The following SBSN variants were observed in gnomAD, a reference collection of about 807,000 sequenced individuals.
The protein encoded by SBSN is HLAR698.
Under a neutral mutation model 42.8 loss-of-function variants are expected in SBSN, and 33 were observed. That is an observed-to-expected ratio of 0.77 (90% CI 0.58 to 1.03). The LOEUF is 1.03. SBSN is among the 50% of genes least tolerant of loss of function. SBSN has a pLI of 0.00. For missense variants in SBSN, 646 were observed against 757.3 expected, an observed-to-expected ratio of 0.85 and a Z score of 1.72; for synonymous variants, 276 against 307.0, an observed-to-expected ratio of 0.90 and a Z score of 1.06.
chr19:35,527,551 T>C lies in SBSN; in HGVS notation c.731A>G (p.Gln244Arg). Residue 244 changes from glutamine to arginine, a missense_variant, in exon 1 of 4, where the codon CAG becomes CGG. Physicochemically the swap from Gln to Arg is conservative, Grantham distance 43. This residue lies in a region of SBSN where 220 missense variants were observed against 334.5 expected (regional missense o/e 0.66). Coordinates refer to ENST00000452271, the MANE Select transcript of SBSN (RefSeq NM_001166034.2). ...QVGKEAEKFG[Q>R]GAHHAAGQAG... ...CTGCCCCGCAGCATGGTGGGCCCCCTGGCCAAACTTCTCTGCCTCCTTCCC... is the reference window on the plus strand; with the variant it reads ...CTGCCCCGCAGCATGGTGGGCCCCCCGGCCAAACTTCTCTGCCTCCTTCCC... 6.6e-7 allele frequency: 1 copy of C among 1,524,546 alleles called. No homozygotes were observed. Among genetic ancestry groups the C allele is most frequent in the Non-Finnish European group, 8.7e-7 (1 of 1,145,114 alleles). The allele number at this position is 1,524,546 out of a possible 1,614,324, so 94.4% of individuals were successfully genotyped here. A position where few individuals can be genotyped will look rare whatever the true frequency, so the allele number is the denominator to read the frequency against.
chr19:35,527,151 A>AT lies in SBSN; in HGVS notation c.1130dup (p.Asn377LysfsTer2). On this transcript the variant is annotated frameshift_variant, in exon 1 of 4. Transcript: ENST00000452271. LOFTEE classifies it high-confidence loss of function. Reference sequence around the variant, plus strand: ...ACTTCTCTGCTTCCTTCCAGGCCTCATTAACCCCATGGTGGACCCCATGGC... The same window carrying AT: ...ACTTCTCTGCTTCCTTCCAGGCCTCATTTAACCCCATGGTGGACCCCATGGC... The AT allele has an allele frequency of 6.5e-7, 1 of 1,534,850 alleles. No homozygotes were observed. Among genetic ancestry groups the AT allele is most frequent in the Non-Finnish European group, 8.7e-7 (1 of 1,146,226 alleles).
intron 3 of SBSN, 40 bp from the exon 4 acceptor site, chr19:35,523,573 A>T: frequency 6.2e-7 from 1 of 1,609,280 alleles, no homozygotes; most frequent in Non-Finnish European, 8.5e-7. Context: ...TGTAGGGTCC[A>T]CAGTCATGAC....
intron 1 of SBSN, 89 bp downstream of exon 1, chr19:35,526,555 A>ACCCCC: frequency 2.9e-6 from 3 of 1,045,672 alleles, no homozygotes; most frequent in Admixed American, 4.9e-5. Flanking sequence ...GGCTACGCGG[A>ACCCCC]CCCCCCCGCC....
chr19:35,524,963 A>C (rs2285511), intron 1 of SBSN, 39 bp from the exon 2 acceptor site: 895,516 of 1,606,716 alleles, frequency 0.56, 250,365 homozygotes, highest in South Asian at 0.61. Context: ...AACCCCACAA[A>C]CGCGGAGGGT....
Position 35,528,031 on chromosome 19 carries a change from T to G in SBSN, c.251A>C (p.Asp84Ala). Residue 84 changes from aspartate to alanine, a missense_variant, in exon 1 of 4, where the codon GAC becomes GCC. Asp to Ala is a moderately radical substitution (Grantham distance 126, BLOSUM62 -2). Transcript: ENST00000452271. Reference sequence around the variant, plus strand: ...GTGGTTGAGCCCCTGGACGCCTTTGTCCAACTCCTTGCCGGTGTGGCTCCC... The same window carrying G: ...GTGGTTGAGCCCCTGGACGCCTTTGGCCAACTCCTTGCCGGTGTGGCTCCC... ...NMGSHTGKEL[D>A]KGVQGLNHGM... 6.2e-7 allele frequency: 1 copy of G among 1,613,846 alleles called. No individual in the cohort carries two copies. Among genetic ancestry groups the G allele is most frequent in the Admixed American group, 1.7e-5 (1 of 59,992 alleles).
At chr19:35,525,212 C>T (rs777581151) in intron 1 of SBSN, among the ~76,000 whole-genome samples, 13 of 152,180 alleles carry the variant, frequency 8.5e-5, no homozygotes, top group Non-Finnish European at 1.6e-4. Context: ...GGACCCGTGA[C>T]AAACAATATC....
chr19:35,524,538 G>A (rs999559624), intron 3 of SBSN, among the ~76,000 whole-genome samples, 173 bp downstream of exon 3: 7 of 152,132 alleles, frequency 4.6e-5, no homozygotes, highest in Admixed American at 6.5e-5. Context: ...GTGCAAAGGG[G>A]AGGGAGCAGG....
chr19:35,526,396 C>G (rs1217798118), intron 1 of SBSN, among the ~76,000 whole-genome samples: 2 of 152,108 alleles, frequency 1.3e-5, no homozygotes, highest in East Asian at 3.9e-4. Flanking sequence ...GAAGGTGGGA[C>G]AGGGTGCCCG....
Position 35,527,017 on chromosome 19 carries a change from A to C in SBSN, c.1265T>G (p.Phe422Cys). 1 of 1,544,106 alleles carries C rather than the reference A, an allele frequency of 6.5e-7. No homozygotes were observed. Among genetic ancestry groups the C allele is most frequent in the Non-Finnish European group, 8.7e-7 (1 of 1,146,864 alleles). The change falls in exon 1 of 4, where the codon TTT becomes TGT. Residue 422 changes from phenylalanine (F) to cysteine (C), a missense_variant. Phe to Cys is a radical substitution (Grantham distance 205). Around this residue, in one of 3 missense-constraint regions of SBSN, gnomAD observed 236 missense variants for 225.6 expected, o/e 1.05. Coordinates refer to ENST00000452271, the MANE Select transcript of SBSN (RefSeq NM_001166034.2). ...TGCTGTGTGGTGAATGTCGTGGCCA[A>C]ACTGCCCCGCCTCCCTTCCAGCCTG... ...VSQAGREAGQ[F>C]GHDIHHTAGQ...
Position 35,523,842 on chromosome 19 carries a change from T to A in SBSN, c.1750-309A>T, listed in dbSNP as rs562509665. ...GGCCTTCCTCCTCCGTGATACACCC[T>A]CACCCTGGCCTGCACCAGGTCTCGG... is the stretch of plus-strand genomic sequence containing the variant. On this transcript the variant is annotated intron_variant, in intron 3 of 3. Coordinates refer to ENST00000452271, the MANE Select transcript of SBSN (RefSeq NM_001166034.2). Among the ~76,000 whole-genome samples the A allele has an allele frequency of 1.6e-3, 244 of 152,266 alleles. 3 individuals carry two copies. Among genetic ancestry groups the A allele is most frequent in the Non-Finnish European group, 1.8e-4 (12 of 68,000 alleles).
At chr19:35,524,618 C>T in intron 3 of SBSN, 93 bp downstream of exon 3, 5 of 1,406,204 alleles carry the variant, frequency 3.6e-6, no homozygotes, top group Non-Finnish European at 5.0e-6. Flanking sequence ...GTCTGCCCGC[C>T]CGGGGAGCTG....
At position 35,527,019 on chromosome 19, in the gene SBSN, C is replaced by A; in HGVS notation, c.1263G>T (p.Gln421His). ...CTGTGTGGTGAATGTCGTGGCCAAA[C>A]TGCCCCGCCTCCCTTCCAGCCTGAC... is the stretch of plus-strand genomic sequence containing the variant. ...GVSQAGREAG[Q>H]FGHDIHHTAG... Residue 421 changes from glutamine to histidine, a missense_variant, in exon 1 of 4, where the codon CAG becomes CAT. Around this residue, in one of 3 missense-constraint regions of SBSN, gnomAD observed 236 missense variants for 225.6 expected, o/e 1.05. Coordinates refer to ENST00000452271, the MANE Select transcript of SBSN (RefSeq NM_001166034.2). The A allele has an allele frequency of 6.5e-7, 1 of 1,543,772 alleles. No homozygotes were observed. Among genetic ancestry groups the A allele is most frequent in the Non-Finnish European group, 8.7e-7 (1 of 1,146,902 alleles).
At chr19:35,523,590 C>T (rs1045765363) in intron 3 of SBSN, 57 bp from the exon 4 acceptor site, 5 of 1,574,736 alleles carry the variant, frequency 3.2e-6, no homozygotes, top group South Asian at 1.1e-5. Context: ...TGACGGGACC[C>T]GAGACCTCAG....
chr19:35,527,008 T>C lies in SBSN; in HGVS notation c.1274A>G (p.Asp425Gly), dbSNP rs369255065. Residue 425 changes from aspartate to glycine, a missense_variant, in exon 1 of 4, where the codon GAC becomes GGC. This residue lies in a region of SBSN where 236 missense variants were observed against 225.6 expected (regional missense o/e 1.05). Transcript: ENST00000452271. ...AGREAGQFGHDIHHTAGQAGK... is the reference protein window; with the variant it reads ...AGREAGQFGHGIHHTAGQAGK... Reference sequence around the variant, plus strand: ...AGCCTGCCCTGCTGTGTGGTGAATGTCGTGGCCAAACTGCCCCGCCTCCCT... The same window carrying C: ...AGCCTGCCCTGCTGTGTGGTGAATGCCGTGGCCAAACTGCCCCGCCTCCCT... 8.0e-5 allele frequency: 123 copies of C among 1,544,924 alleles called. 1 individual carries two copies. Among genetic ancestry groups the C allele is most frequent in the South Asian group, 4.3e-4 (36 of 84,154 alleles).
rs1415518336 is a variant in SBSN, at chr19:35,527,221, AC to A, written c.1060del (p.Val354SerfsTer86). On this transcript the variant is annotated frameshift_variant, in exon 1 of 4. Transcript: ENST00000452271. LOFTEE classifies it high-confidence loss of function. ...WKETEKFGQG[V>X]HHAASQFGKE... The stretch of plus-strand genomic sequence containing the variant: ...CCCAAACTGACTGGCAGCATGGTGG[AC>A]CCCCTGGCCAAACTTCTCTGTCTCC... The A allele has an allele frequency of 6.5e-6, 10 of 1,534,922 alleles. No homozygotes were observed. Among genetic ancestry groups the A allele is most frequent in the Middle Eastern group, 1.7e-4 (1 of 6,008 alleles).
rs763966574 is a variant in SBSN at position 35,528,177 on chromosome 19, C to T, written c.105G>A (p.Gly35=). 9.9e-6 allele frequency: 16 copies of T among 1,613,982 alleles called. No individual in the cohort carries two copies. The change falls in exon 1 of 4, where the codon GGG becomes GGA. Residue 35 remains glycine (G), a synonymous_variant. Transcript: ENST00000452271. ...SDDPIEKVIE[G]INRGLSNAER... ...CTGCATTGCTCAGCCCTCGGTTGAT[C>T]CCTTCAATGACCTTCTCAATGGGGT... is the stretch of plus-strand genomic sequence containing the variant.
Position 35,528,307 on chromosome 19 carries a change from CAG to C in SBSN, c.-28_-27del. The C allele has an allele frequency of 6.4e-7, 1 of 1,571,052 alleles. No individual in the cohort carries two copies. Among genetic ancestry groups the C allele is most frequent in the Non-Finnish European group, 8.6e-7 (1 of 1,160,886 alleles). On this transcript the variant is annotated 5_prime_UTR_variant, in exon 1 of 4. Coordinates refer to ENST00000452271, the MANE Select transcript of SBSN (RefSeq NM_001166034.2). ...ATTGCTGGGAAGGTCGGGAAGGATGCAGAGAGGAGCCAGGGAAGCCACGCTGC... is the reference window on the plus strand; with the variant it reads ...ATTGCTGGGAAGGTCGGGAAGGATGCAGAGGAGCCAGGGAAGCCACGCTGC...
At position 35,527,601 on chromosome 19, in the gene SBSN, C is replaced by G. The variant is rs906774680; in HGVS notation, c.681G>C (p.Gly227=). Residue 227 remains glycine, a synonymous_variant, in exon 1 of 4, where the codon GGG becomes GGC. Coordinates refer to ENST00000452271, the MANE Select transcript of SBSN (RefSeq NM_001166034.2). ...CAACCTGACCGGCAGCATGGTGGATCCCCTGGCCAAACTTCTCTGTCTCCT... is the reference window on the plus strand; with the variant it reads ...CAACCTGACCGGCAGCATGGTGGATGCCCTGGCCAAACTTCTCTGTCTCCT... The part of the protein sequence containing the change: ...GWKETEKFGQ[G]IHHAAGQVGK... The G allele has an allele frequency of 1.4e-5, 22 of 1,532,404 alleles. No homozygotes were observed. The highest frequency in any genetic ancestry group is 1.9e-5 in the Non-Finnish European group (22 of 1,148,156). 94.9% of individuals were successfully genotyped at this position (1,532,404 alleles called of 1,614,324 possible).
In SBSN at chr19:35,526,939, A is replaced by T. The variant is rs1365222536; in HGVS notation, c.1343T>A (p.Val448Asp). The T allele has an allele frequency of 1.3e-6, 2 of 1,580,168 alleles. No homozygotes were observed. The highest frequency in any genetic ancestry group is 1.7e-6 in the Non-Finnish European group (2 of 1,164,098). Residue 448 changes from valine to aspartate, a missense_variant, in exon 1 of 4, where the codon GTC becomes GAC. By Grantham distance (152) the Val-to-Asp change is radical (BLOSUM62 -3). Around this residue, in one of 3 missense-constraint regions of SBSN, gnomAD observed 236 missense variants for 225.6 expected, o/e 1.05. Coordinates refer to ENST00000452271, the MANE Select transcript of SBSN (RefSeq NM_001166034.2). ...DIAVHGVQPGVHEAGKEAGQF... is the reference protein window; with the variant it reads ...DIAVHGVQPGDHEAGKEAGQF... ...CCCTGCCTCCTTCCCGGCCTCGTGG[A>T]CCCCAGGTTGGACACCATGAACTGC...
Sources: allele counts gnomAD v4.1 joint callset (sites outside exome capture counted in the v4.1 genomes callset), GRCh38; gene constraint gnomAD v4.1.1; regional missense constraint gnomAD v4.1.1; transcripts MANE v1.5; gene names NCBI Gene and HGNC (gene_info 2026-07-23, HGNC 2026-07-21).